Variants in MAGI2 observed in about 807,000 individuals in gnomAD.
MAGI2 encodes the protein membrane-associated guanylate kinase, WW and PDZ domain-containing protein 2.
A neutral mutation model predicts 133.3 loss-of-function variants in MAGI2; 35 were observed. The ratio of observed to expected loss-of-function variants is 0.26; its 90% CI spans 0.20 to 0.35. The LOEUF (loss-of-function observed/expected upper bound fraction) is 0.35, where lower values mean the gene tolerates loss of function less well. Among genes scored for constraint, MAGI2 ranks in the 10% least tolerant of loss-of-function variants. The probability of loss-of-function intolerance (pLI) is 1.00; values close to 1 mark genes in which losing one functional copy is unlikely to be tolerated. For synonymous variants in MAGI2, 729 were observed against 710.6 expected, an observed-to-expected ratio of 1.03 and a Z score of -0.41; for missense variants, 1,636 against 1,863.4, an observed-to-expected ratio of 0.88 and a Z score of 2.25.
At chr7:79,249,881 T>C (rs1031209932) in intron 1 of MAGI2, among the ~76,000 whole-genome samples, 3 of 152,098 alleles carry the variant, frequency 2.0e-5, no homozygotes, top group Non-Finnish European at 2.9e-5. Flanking sequence ...CTGATATATA[T>C]TGATACAAAA....
intron 2 of MAGI2, among the ~76,000 whole-genome samples, chr7:78,628,730 T>A (rs970848119): frequency 4.0e-5 from 6 of 150,178 alleles, no homozygotes; most frequent in East Asian, 1.9e-4. Flanking sequence ...TTTGCAATAT[T>A]TCCTGCTGCT....
intron 1 of MAGI2, among the ~76,000 whole-genome samples, chr7:79,238,121 A>C (rs1832078808): frequency 6.6e-6 from 1 of 152,164 alleles, no homozygotes; most frequent in Non-Finnish European, 1.5e-5. Context: ...ACATTGGCTT[A>C]ACACATTCAA....
intron 9 of MAGI2, among the ~76,000 whole-genome samples, chr7:78,303,434 T>C (rs1180369994): frequency 6.9e-6 from 1 of 144,980 alleles, no homozygotes; most frequent in African/African-American, 2.5e-5. Flanking sequence ...CATCTGGATA[T>C]CTTTAAAGCA....
intron 7 of MAGI2, among the ~76,000 whole-genome samples, chr7:78,349,291 AT>A (rs1026162382): frequency 7.2e-5 from 11 of 152,136 alleles, no homozygotes; most frequent in African/African-American, 2.7e-4. Context: ...TAAAACATTT[AT>A]TTTCAAACAT....
At chr7:78,185,010 T>G (rs1827552770) in intron 13 of MAGI2, among the ~76,000 whole-genome samples, 1 of 152,206 alleles carries the variant, frequency 6.6e-6, no homozygotes, top group South Asian at 2.1e-4. Context: ...TAGCTTCTTA[T>G]TTGTATCTAG....
chr7:79,059,887 T>C (rs1223315283), intron 1 of MAGI2, among the ~76,000 whole-genome samples: 2 of 152,114 alleles, frequency 1.3e-5, no homozygotes, highest in African/African-American at 4.8e-5. Context: ...AAAATTAATA[T>C]GTCTACCTGT....
At chr7:79,378,920 G>GTGTGTATATA (rs1440481503) in intron 1 of MAGI2, among the ~76,000 whole-genome samples, 10 of 75,486 alleles carry the variant, frequency 1.3e-4, no homozygotes, top group African/African-American at 4.3e-4. Context: ...ATATATATGT[G>GTGTGTATATA]TGTGTGTATA....
At chr7:78,530,947 T>TA (rs1336686521) in intron 3 of MAGI2, among the ~76,000 whole-genome samples, 2 of 152,122 alleles carry the variant, frequency 1.3e-5, no homozygotes, top group Non-Finnish European at 2.9e-5. Flanking sequence ...AGTCAACCAC[T>TA]GGAAGAACTT....
intron 2 of MAGI2, among the ~76,000 whole-genome samples, chr7:78,865,733 T>G (rs1336889562): frequency 6.6e-6 from 1 of 152,194 alleles, no homozygotes; most frequent in Non-Finnish European, 1.5e-5. Flanking sequence ...AATCTTATGT[T>G]TACAGATTTT....
At chr7:78,339,358 C>T (rs1048670833) in intron 9 of MAGI2, among the ~76,000 whole-genome samples, 1 of 151,786 alleles carries the variant, frequency 6.6e-6, no homozygotes, top group Admixed American at 6.6e-5. Flanking sequence ...CTAAATAAAG[C>T]TTTGACTTTG....
At chr7:79,254,990 C>G (rs1247309852) in intron 1 of MAGI2, among the ~76,000 whole-genome samples, 1 of 152,162 alleles carries the variant, frequency 6.6e-6, no homozygotes, top group Admixed American at 6.5e-5. Flanking sequence ...TCTTCTGAGC[C>G]ATGCTAATAA....
At chr7:79,108,580 C>G (rs906219454) in intron 1 of MAGI2, among the ~76,000 whole-genome samples, 2 of 152,226 alleles carry the variant, frequency 1.3e-5, no homozygotes, top group Non-Finnish European at 2.9e-5. Context: ...TACTACCCAT[C>G]AAGTTTTGCC....
chr7:78,160,254 G>A lies in MAGI2; in HGVS notation c.2616C>T (p.Asn872=), dbSNP rs148005928. The change falls in exon 16 of 22, where the codon AAC becomes AAT. Residue 872 remains asparagine, a synonymous_variant. Transcript: ENST00000354212. ...VLCGGEPCPE[N]GRSPGSVSTH... ...TGGATACAGAGCCTGGACTTCTCCCGTTCTCTGGGCAGGGCTCCCCTGCAA... is the reference window on the plus strand; with the variant it reads ...TGGATACAGAGCCTGGACTTCTCCCATTCTCTGGGCAGGGCTCCCCTGCAA... The A allele has an allele frequency of 5.4e-4, 867 of 1,596,884 alleles. 4 individuals carry two copies. The highest frequency in any genetic ancestry group is 5.2e-3 in the Middle Eastern group (31 of 5,974).
intron 6 of MAGI2, among the ~76,000 whole-genome samples, chr7:78,455,046 C>T (rs772580720): frequency 7.2e-5 from 11 of 151,898 alleles, no homozygotes; most frequent in Non-Finnish European, 1.2e-4. Flanking sequence ...ACAGGGAACC[C>T]GAAAGTAAAC....
At chr7:79,230,151 A>G (rs889587067) in intron 1 of MAGI2, among the ~76,000 whole-genome samples, 14 of 151,252 alleles carry the variant, frequency 9.3e-5, no homozygotes, top group Non-Finnish European at 1.9e-4. Context: ...ATAGCATTCC[A>G]TGGTGTATAT....
At chr7:79,111,513 A>C (rs1029657748) in intron 1 of MAGI2, among the ~76,000 whole-genome samples, 2 of 152,196 alleles carry the variant, frequency 1.3e-5, no homozygotes, top group Admixed American at 6.5e-5. Context: ...TTTTTTTGAG[A>C]CAACAATAAT....
chr7:79,351,307 G>T (rs1841676739), intron 1 of MAGI2, among the ~76,000 whole-genome samples: 1 of 152,036 alleles, frequency 6.6e-6, no homozygotes, highest in African/African-American at 2.4e-5. Flanking sequence ...GTATGCATCT[G>T]GTAAAATGCA....
At chr7:79,094,638 T>C (rs545446116) in intron 1 of MAGI2, among the ~76,000 whole-genome samples, 8 of 152,346 alleles carry the variant, frequency 5.3e-5, no homozygotes, top group African/African-American at 1.9e-4. Context: ...ATGTGGAAGT[T>C]AATATTACTC....
intron 2 of MAGI2, among the ~76,000 whole-genome samples, chr7:78,643,885 A>T (rs935853110): frequency 1.8e-4 from 27 of 152,118 alleles, no homozygotes; most frequent in African/African-American, 6.5e-4. Flanking sequence ...CACACACACT[A>T]TTGAAAAATG....
Sources: allele counts gnomAD v4.1 joint callset (sites outside exome capture counted in the v4.1 genomes callset), GRCh38; gene constraint gnomAD v4.1.1; transcripts MANE v1.5; gene names NCBI Gene and HGNC (gene_info 2026-07-23, HGNC 2026-07-21).